The following CADM1 variants were observed in gnomAD, a reference collection of about 807,000 sequenced individuals.
The protein encoded by CADM1 is cell adhesion molecule 1.
Under a neutral mutation model 53.1 loss-of-function variants are expected in CADM1, and 15 were observed. The observed-to-expected ratio is 0.28, with a 90% CI of 0.19 to 0.44. The LOEUF is 0.44. Among genes scored for constraint, CADM1 ranks in the 20% least tolerant of loss-of-function variants. CADM1 has a pLI of 1.00. For synonymous variants in CADM1, 281 were observed against 243.0 expected (o/e 1.16, Z -1.45); for missense variants, 434 against 611.3 (o/e 0.71, Z 3.06).
intron 8 of CADM1, among the ~76,000 whole-genome samples, chr11:115,200,108 A>G (rs1257170532): frequency 6.6e-6 from 1 of 152,246 alleles, no homozygotes; most frequent in Non-Finnish European, 1.5e-5. Flanking sequence ...TGAAAGGCCA[A>G]TGCAGCTTAA....
intron 1 of CADM1, among the ~76,000 whole-genome samples, chr11:115,396,261 GACC>G (rs1425745428): frequency 2.6e-5 from 4 of 152,148 alleles, no homozygotes; most frequent in East Asian, 1.9e-4. Context: ...TTGTGAATGT[GACC>G]ACATTAGATT....
chr11:115,281,087 A>T (rs7944529), intron 1 of CADM1, among the ~76,000 whole-genome samples: 20,790 of 152,214 alleles, frequency 0.14, 1,709 homozygotes, highest in African/African-American at 0.21. Context: ...GGGAAAATCC[A>T]CCCAACTACA....
At chr11:115,342,117 C>T (rs989635862) in intron 1 of CADM1, among the ~76,000 whole-genome samples, 5 of 152,146 alleles carry the variant, frequency 3.3e-5, no homozygotes, top group African/African-American at 1.2e-4. Flanking sequence ...TTTGTCCTGT[C>T]ACTGAAAAAT....
rs562847675 is a variant in CADM1, at chr11:115,411,659, A to AT, written c.124+92611dup. On this transcript the variant is annotated intron_variant, in intron 1 of 11. Transcript: ENST00000331581. ...CCAAAGAAAGTGGAAATTCTATTTT[A>AT]TTTTTTTTTATTATTTATTTTTTTG... 3.4e-4 allele frequency among the ~76,000 whole-genome samples: 51 copies of AT among 151,424 alleles called. No individual in the cohort carries two copies. The South Asian group carries it at 7.1e-3, about 21-fold the overall frequency.
intron 10 of CADM1, 178 bp from the exon 11 acceptor site, chr11:115,178,953 C>T (rs977492379): frequency 2.2e-5 from 15 of 689,928 alleles, no homozygotes; most frequent in Admixed American, 4.2e-5. Flanking sequence ...AGTGCTGAAT[C>T]GATCTGTTCT....
At chr11:115,226,142 T>A (rs1237136769) in intron 5 of CADM1, among the ~76,000 whole-genome samples, 1 of 151,986 alleles carries the variant, frequency 6.6e-6, no homozygotes, top group African/African-American at 2.4e-5. Context: ...TTGAAAAATA[T>A]TAGTTGTACA....
At chr11:115,463,919 G>A (rs1285983298) in intron 1 of CADM1, among the ~76,000 whole-genome samples, 1 of 151,950 alleles carries the variant, frequency 6.6e-6, no homozygotes, top group East Asian at 1.9e-4. Flanking sequence ...CAGCTTTCCA[G>A]CTGCCAGGTG....
At chr11:115,216,183 G>A (rs1941174486) in intron 6 of CADM1, among the ~76,000 whole-genome samples, 1 of 152,162 alleles carries the variant, frequency 6.6e-6, no homozygotes, top group African/African-American at 2.4e-5. Context: ...GCAATTTCTT[G>A]AGAAAATAAA....
chr11:115,204,824 A>T (rs1222989422), intron 8 of CADM1, among the ~76,000 whole-genome samples: 2 of 152,324 alleles, frequency 1.3e-5, no homozygotes, highest in Non-Finnish European at 2.9e-5. Context: ...ATGATTTCAG[A>T]CTATGAAAGC....
In CADM1 at chr11:115,284,185, G is replaced by T. The variant is rs951028339; in HGVS notation, c.125-43765C>A. On this transcript the variant is annotated intron_variant, in intron 1 of 11. Transcript: ENST00000331581. Reference sequence around the variant, plus strand: ...TGAGGAGGCAGAGAAAGCAGACGTGGGCAGACAAGAGAAGCACTTGTAGTT... The same window carrying T: ...TGAGGAGGCAGAGAAAGCAGACGTGTGCAGACAAGAGAAGCACTTGTAGTT... Among the ~76,000 whole-genome samples, 6 of 150,346 alleles carry T rather than the reference G, an allele frequency of 4.0e-5. No individual in the cohort carries two copies. In the South Asian group the frequency reaches 1.3e-3, roughly 32 times the overall value.
chr11:115,196,844 C>T (rs1402634893), intron 9 of CADM1, among the ~76,000 whole-genome samples: 3 of 151,894 alleles, frequency 2.0e-5, no homozygotes, highest in Non-Finnish European at 2.9e-5. Context: ...TTAAAATAAC[C>T]CTTTGAGAAT....
chr11:115,178,549 A>C, intron 11 of CADM1, 95 bp downstream of exon 11: 1 of 1,155,532 alleles, frequency 8.7e-7, no homozygotes, highest in Non-Finnish European at 1.3e-6. Context: ...GTGTGGCCAC[A>C]TACATCAAAT....
intron 1 of CADM1, among the ~76,000 whole-genome samples, chr11:115,418,562 T>C (rs550908778): frequency 1.3e-5 from 2 of 152,282 alleles, no homozygotes; most frequent in Non-Finnish European, 2.9e-5. Context: ...TAAAAAAAAT[T>C]CGTGCTGCAA....
At chr11:115,457,210 G>A (rs1948700527) in intron 1 of CADM1, among the ~76,000 whole-genome samples, 1 of 152,210 alleles carries the variant, frequency 6.6e-6, no homozygotes, top group African/African-American at 2.4e-5. Flanking sequence ...ATAAGTGGCA[G>A]AGTCAGAATC....
chr11:115,296,628 C>A lies in CADM1; in HGVS notation c.125-56208G>T, dbSNP rs77158898. The stretch of plus-strand genomic sequence containing the variant: ...CCATGTTATGACACAGCATGAAAGC[C>A]CTCACCAGAAGTCAGGGACATGCCC... On this transcript the variant is annotated intron_variant, in intron 1 of 11. Coordinates refer to ENST00000331581, the MANE Select transcript of CADM1 (RefSeq NM_001301043.2). Among the ~76,000 whole-genome samples, 1,185 of 152,278 alleles carry A rather than the reference C, an allele frequency of 7.8e-3. 8 individuals are homozygous for A. The highest frequency in any genetic ancestry group is 0.023 in the African/African-American group (946 of 41,548).
intron 9 of CADM1, among the ~76,000 whole-genome samples, chr11:115,193,026 T>C (rs1278744274): frequency 6.6e-6 from 1 of 152,216 alleles, no homozygotes; most frequent in African/African-American, 2.4e-5. Flanking sequence ...TCTGAATAAA[T>C]ATAATTCAAA....
intron 5 of CADM1, among the ~76,000 whole-genome samples, chr11:115,222,542 GTTTAT>G (rs1185318857): frequency 1.3e-5 from 2 of 152,074 alleles, no homozygotes; most frequent in Non-Finnish European, 2.9e-5. Context: ...TTTCACTGCC[GTTTAT>G]TTTGTTTGTT....
At chr11:115,241,768 T>TG (rs1265640298) in intron 1 of CADM1, among the ~76,000 whole-genome samples, 6 of 152,172 alleles carry the variant, frequency 3.9e-5, no homozygotes, top group African/African-American at 1.4e-4. Flanking sequence ...ATAAGGCTCC[T>TG]GCTCTCAAGG....
chr11:115,475,631 T>C, intron 1 of CADM1, among the ~76,000 whole-genome samples: 1 of 152,202 alleles, frequency 6.6e-6, no homozygotes, highest in African/African-American at 2.4e-5. Flanking sequence ...AGAGTAACAC[T>C]GATGAATTTC....
Sources: gnomAD v4.1 joint callset for allele counts (sites outside exome capture counted in the v4.1 genomes callset) on GRCh38, gnomAD v4.1.1 for gene constraint, MANE v1.5 for transcripts, NCBI Gene and HGNC (gene_info 2026-07-23, HGNC 2026-07-21) for gene names.